Variants in MTAP observed in about 807,000 individuals in gnomAD.
The protein encoded by MTAP is S-methyl-5'-thioadenosine phosphorylase.
In MTAP, 33 loss-of-function variants were observed where a neutral mutation model predicts 33.6. That is an observed-to-expected ratio of 0.98 (90% CI 0.74 to 1.31). The LOEUF (loss-of-function observed/expected upper bound fraction) is 1.31. Ranked by LOEUF, MTAP falls within the 40% of genes most tolerant of loss-of-function variation. MTAP has a pLI of 0.00. For synonymous variants in MTAP, 148 were observed against 125.7 expected (o/e 1.18, Z -1.19); for missense variants, 367 against 360.0 (o/e 1.02, Z -0.16).
chr9:21,885,157 A>G (rs1199655842), intron 1 of MTAP, among the ~76,000 whole-genome samples: 1 of 152,144 alleles, frequency 6.6e-6, no homozygotes, highest in East Asian at 1.9e-4. Context: ...TCTTTTAAGA[A>G]GAAAAACAGT....
At position 21,865,530 on chromosome 9, in the gene MTAP, A is replaced by G. The variant is rs541133469; in HGVS notation, c.*3516A>G. 6 of 985,642 alleles carry G rather than the reference A, an allele frequency of 6.1e-6. No individual in the cohort carries two copies. In the African/African-American group the frequency reaches 1.0e-4, roughly 17 times the overall value. 61.1% of individuals were successfully genotyped at this position (985,642 alleles called of 1,614,324 possible). ...AATGTATATATTGGCCCAGCAAGGC[A>G]AAGAACTGAAGTTCCAGGATGGAAG... On this transcript the variant is annotated 3_prime_UTR_variant, in exon 8 of 8. Transcript: ENST00000644715.
chr9:21,862,013 A>G lies in MTAP; in HGVS notation c.851A>G (p.Ter284=). 1 of 1,612,572 alleles carries G rather than the reference A, an allele frequency of 6.2e-7. No homozygotes were observed. The highest frequency in any genetic ancestry group is 8.5e-7 in the Non-Finnish European group (1 of 1,178,742). Residue 284 remains the stop codon, a stop_retained_variant, in exon 8 of 8, where the codon TAA becomes TGA. Coordinates refer to ENST00000644715, the MANE Select transcript of MTAP (RefSeq NM_002451.4). Reference sequence around the variant, plus strand: ...TTTTCTGTTTTATTACCAAGACATTAAAGTAGCATGGCTGCCCAGGAGAAA... The same window carrying G: ...TTTTCTGTTTTATTACCAAGACATTGAAGTAGCATGGCTGCCCAGGAGAAA... The part of the protein sequence containing the change: ...AQFSVLLPRH[*]
At position 21,864,211 on chromosome 9, in the gene MTAP, T is replaced by G; in HGVS notation, c.*2197T>G. ...CAACATCATTTTCAGACTAACTAAA[T>G]GAATGCAGTATACTCTTTTCTTTGT... On this transcript the variant is annotated 3_prime_UTR_variant, in exon 8 of 8. Transcript: ENST00000644715. 1 of 985,430 alleles carries G rather than the reference T, an allele frequency of 1.0e-6. No individual in the cohort carries two copies. Among genetic ancestry groups the G allele is most frequent in the Non-Finnish European group, 1.2e-6 (1 of 829,936 alleles). 61.0% of individuals were successfully genotyped at this position (985,430 alleles called of 1,614,324 possible). A position where few individuals can be genotyped will look rare whatever the true frequency, so the allele number is the denominator to read the frequency against.
chr9:21,901,152 A>G (rs992884054), intron 1 of MTAP, among the ~76,000 whole-genome samples: 3 of 152,240 alleles, frequency 2.0e-5, no homozygotes, highest in African/African-American at 7.2e-5. Flanking sequence ...CTGCACAGGC[A>G]TCCCTAAAAC....
At chr9:21,831,055 A>C (rs1824954256) in intron 4 of MTAP, among the ~76,000 whole-genome samples, 1 of 152,164 alleles carries the variant, frequency 6.6e-6, no homozygotes, top group Non-Finnish European at 1.5e-5. Flanking sequence ...CTTGTGGTAC[A>C]TGGGCCCTCC....
intron 5 of MTAP, among the ~76,000 whole-genome samples, chr9:21,853,558 G>C (rs1240169320): frequency 1.3e-5 from 2 of 152,206 alleles, no homozygotes; most frequent in Non-Finnish European, 2.9e-5. Flanking sequence ...CACATGTGCA[G>C]GTGAGACTTT....
chr9:21,831,959 T>C (rs561429772), intron 4 of MTAP, among the ~76,000 whole-genome samples: 1 of 152,300 alleles, frequency 6.6e-6, no homozygotes, highest in South Asian at 2.1e-4. Context: ...AGTGGAAGAA[T>C]CTCAGCTTAG....
intron 1 of MTAP, chr9:21,893,778 C>G (rs969465417): frequency 2.0e-5 from 3 of 151,778 alleles, no homozygotes; most frequent in African/African-American, 7.3e-5. Context: ...ACAGAAAAAG[C>G]CTTAGATTAG....
rs1342145319 is a variant in MTAP at position 21,836,054 on chromosome 9, A to T, written c.348-1854A>T. ...ACAAGGTTGAGTGTTGTGAGGCCCC[A>T]TCTGGTGCCGACTCCAATTCTGTCT... On this transcript the variant is annotated intron_variant, in intron 4 of 7. Coordinates refer to ENST00000644715, the MANE Select transcript of MTAP (RefSeq NM_002451.4). Among the ~76,000 whole-genome samples, 3 of 152,150 alleles carry T rather than the reference A, an allele frequency of 2.0e-5. No homozygotes were observed. In the East Asian group the frequency reaches 5.8e-4, roughly 29 times the overall value.
chr9:21,889,434 G>A (rs1818164204), intron 1 of MTAP, among the ~76,000 whole-genome samples: 1 of 151,962 alleles, frequency 6.6e-6, no homozygotes, highest in African/African-American at 2.4e-5. Flanking sequence ...GTGATCTAGT[G>A]TGATCTTTTG....
At chr9:21,870,929 C>T (rs990694628), downstream of MTAP, among the ~76,000 whole-genome samples, 1 of 151,724 alleles carries the variant, frequency 6.6e-6, no homozygotes, top group African/African-American at 2.4e-5. Flanking sequence ...TGCCACCATG[C>T]CCAGCTAATT....
At chr9:21,878,409 T>G (rs1379636479) in intron 1 of MTAP, among the ~76,000 whole-genome samples, 1 of 152,164 alleles carries the variant, frequency 6.6e-6, no homozygotes, top group African/African-American at 2.4e-5. Flanking sequence ...TGGGGTTGGT[T>G]TGCTTTTGTT....
At chr9:21,853,630 G>A (rs117279117) in intron 5 of MTAP, among the ~76,000 whole-genome samples, 1 of 152,190 alleles carries the variant, frequency 6.6e-6, no homozygotes, top group Non-Finnish European at 1.5e-5. Context: ...TCCCAGGAAG[G>A]TTAGCCAAAT....
At chr9:21,822,751 T>C (rs1379860532) in intron 4 of MTAP, among the ~76,000 whole-genome samples, 1 of 152,174 alleles carries the variant, frequency 6.6e-6, no homozygotes. Flanking sequence ...CCCATTATTA[T>C]TGTGTGGGAG....
At chr9:21,820,214 C>G (rs566735889) in intron 4 of MTAP, among the ~76,000 whole-genome samples, 37 of 152,218 alleles carry the variant, frequency 2.4e-4, no homozygotes, top group Admixed American at 1.2e-3. Flanking sequence ...TGAAGTCCTT[C>G]CCCATGCCTA....
chr9:21,891,135 C>A (rs1818194916), intron 1 of MTAP, among the ~76,000 whole-genome samples: 1 of 152,046 alleles, frequency 6.6e-6, no homozygotes, highest in Admixed American at 6.6e-5. Flanking sequence ...GCAAAAATTC[C>A]CAACCAAAAG....
downstream of MTAP, chr9:21,933,888 C>G (rs1304981223): frequency 6.6e-6 from 1 of 152,128 alleles, no homozygotes; most frequent in Non-Finnish European, 1.5e-5. Context: ...AAAGAAAAAG[C>G]ACTTATACAA....
At chr9:21,825,973 T>C (rs1157528544) in intron 4 of MTAP, among the ~76,000 whole-genome samples, 2 of 152,144 alleles carry the variant, frequency 1.3e-5, no homozygotes, top group East Asian at 1.9e-4. Context: ...CCTTTGCCTA[T>C]TTTTTTAATC....
rs1335206050 is a variant in MTAP, at chr9:21,816,737, G to T, written c.144G>T (p.Gly48=). ...AGCCATCTGATGCCTTAATTTTGGG[G>T]AAGATAAAAAATGTTGATTGCGTCC... ...FGKPSDALIL[G]KIKNVDCVLL... Residue 48 remains glycine (G), a synonymous_variant, in exon 3 of 8, where the codon GGG becomes GGT. Coordinates refer to ENST00000644715, the MANE Select transcript of MTAP (RefSeq NM_002451.4). 1 of 1,611,872 alleles carries T rather than the reference G, an allele frequency of 6.2e-7. No individual in the cohort carries two copies. Among genetic ancestry groups the T allele is most frequent in the Admixed American group, 1.7e-5 (1 of 59,688 alleles).
Sources: gnomAD v4.1 joint callset for allele counts (sites outside exome capture counted in the v4.1 genomes callset) on GRCh38, gnomAD v4.1.1 for gene constraint, MANE v1.5 for transcripts, NCBI Gene and HGNC (gene_info 2026-07-23, HGNC 2026-07-21) for gene names.